CLSTN2: variants seen among roughly 807,000 people sequenced by gnomAD.
CLSTN2 encodes calsyntenin 2, also known as calsyntenin-2.
A neutral mutation model predicts 101.2 loss-of-function variants in CLSTN2; 48 were observed. The observed-to-expected ratio is 0.47, with a 90% CI of 0.38 to 0.60. CLSTN2 has a LOEUF of 0.60. Among genes scored for constraint, CLSTN2 ranks in the 20% least tolerant of loss-of-function variants. CLSTN2 has a pLI of 0.00. For missense variants in CLSTN2, 1,160 were observed against 1,238.2 expected (o/e 0.94, Z 0.95); for synonymous variants, 481 against 463.6 (o/e 1.04, Z -0.48).
chr3:140,082,212 C>A (rs2008609878), intron 1 of CLSTN2, among the ~76,000 whole-genome samples: 1 of 152,198 alleles, frequency 6.6e-6, no homozygotes, highest in Non-Finnish European at 1.5e-5. Context: ...CTTCACACTG[C>A]AGCCTTTCTC....
chr3:140,241,153 GA>G (rs1334531917), intron 2 of CLSTN2, among the ~76,000 whole-genome samples: 1 of 152,166 alleles, frequency 6.6e-6, no homozygotes, highest in Non-Finnish European at 1.5e-5. Flanking sequence ...AGAATACTAA[GA>G]GTGCCATCTC....
chr3:140,336,072 A>G (rs115211699), intron 2 of CLSTN2, among the ~76,000 whole-genome samples: 95 of 152,250 alleles, frequency 6.2e-4, no homozygotes, highest in African/African-American at 2.0e-3. Context: ...GAAGGAGCCG[A>G]TTACTGCTCT....
Position 140,528,629 on chromosome 3 carries a change from C to T in CLSTN2, c.1345-3695C>T, listed in dbSNP as rs144081389. Among the ~76,000 whole-genome samples the T allele has an allele frequency of 1.0e-3, 112 of 107,632 alleles. 2 individuals are homozygous for T. Among genetic ancestry groups the T allele is most frequent in the African/African-American group, 6.1e-3 (111 of 18,132 alleles). The allele number at this position is 107,632 out of a possible 152,430, so 70.6% of individuals were successfully genotyped here. On this transcript the variant is annotated intron_variant, in intron 8 of 16. Coordinates refer to ENST00000458420, the MANE Select transcript of CLSTN2 (RefSeq NM_022131.3). ...TCTTTATATGTCCCCAAACCTAGTG[C>T]CTCTGACAAAAAAAAGATGAATGAA...
At chr3:139,979,866 T>TC (rs1189684425) in intron 1 of CLSTN2, among the ~76,000 whole-genome samples, 14 of 151,926 alleles carry the variant, frequency 9.2e-5, no homozygotes, top group African/African-American at 3.4e-4. Flanking sequence ...CGACCCTTCT[T>TC]CCCCCTCGCC....
intron 2 of CLSTN2, among the ~76,000 whole-genome samples, chr3:140,235,079 C>T (rs1038065924): frequency 9.2e-5 from 14 of 152,104 alleles, no homozygotes; most frequent in Admixed American, 3.3e-4. Flanking sequence ...TCCTCAACTA[C>T]AAAATAGGAA....
At chr3:140,107,919 G>T (rs903552277) in intron 1 of CLSTN2, among the ~76,000 whole-genome samples, 17 of 152,010 alleles carry the variant, frequency 1.1e-4, no homozygotes, top group Non-Finnish European at 2.2e-4. Context: ...CTCAAAAAAA[G>T]TGAGAGACTT....
intron 8 of CLSTN2, among the ~76,000 whole-genome samples, chr3:140,519,479 T>C (rs915574105): frequency 6.6e-6 from 1 of 152,252 alleles, no homozygotes; most frequent in Admixed American, 6.5e-5. Context: ...AGTCTCTTTG[T>C]AGTCTCTAAG....
chr3:140,355,720 C>T (rs559539457), intron 2 of CLSTN2, among the ~76,000 whole-genome samples: 2 of 152,126 alleles, frequency 1.3e-5, no homozygotes, highest in African/African-American at 4.8e-5. Flanking sequence ...CTCGCATTCC[C>T]AGGAGCAATG....
intron 1 of CLSTN2, among the ~76,000 whole-genome samples, chr3:140,126,533 C>A (rs10460847): frequency 0.17 from 26,059 of 151,830 alleles, 2,584 homozygotes; most frequent in East Asian, 0.37. Flanking sequence ...AAGCTGAGAC[C>A]GAGGCTAGAG....
chr3:140,277,406 C>G (rs1371303984), intron 2 of CLSTN2, among the ~76,000 whole-genome samples: 3 of 152,182 alleles, frequency 2.0e-5, no homozygotes, highest in Non-Finnish European at 4.4e-5. Flanking sequence ...TATCCTCCAG[C>G]TATCTCCAGT....
intron 1 of CLSTN2, among the ~76,000 whole-genome samples, chr3:140,155,481 C>G (rs369110303): frequency 1.4e-4 from 21 of 152,224 alleles, no homozygotes; most frequent in African/African-American, 4.8e-4. Flanking sequence ...AAGTGGCAGT[C>G]AGAGGCGAGG....
At chr3:140,306,772 G>A (rs1000632511) in intron 2 of CLSTN2, among the ~76,000 whole-genome samples, 2 of 152,052 alleles carry the variant, frequency 1.3e-5, no homozygotes, top group Admixed American at 6.5e-5. Flanking sequence ...TGTCACTGAA[G>A]TGGTTTTCTA....
intron 2 of CLSTN2, among the ~76,000 whole-genome samples, chr3:140,368,547 T>A (rs1328499597): frequency 6.6e-6 from 1 of 152,208 alleles, no homozygotes; most frequent in Non-Finnish European, 1.5e-5. Flanking sequence ...GTGGTATCTA[T>A]GTCCCTGGTT....
intron 1 of CLSTN2, among the ~76,000 whole-genome samples, chr3:139,952,624 A>T (rs1456902075): frequency 2.0e-5 from 3 of 152,212 alleles, no homozygotes; most frequent in Non-Finnish European, 2.9e-5. Context: ...GCCAGACAAA[A>T]GTATTTCTAA....
intron 1 of CLSTN2, among the ~76,000 whole-genome samples, chr3:140,166,489 G>C (rs2010136817): frequency 6.6e-6 from 1 of 152,168 alleles, no homozygotes; most frequent in Non-Finnish European, 1.5e-5. Context: ...AAAGATCCAG[G>C]GTTGTCCAGA....
At chr3:140,398,184 A>G (rs908409075) in intron 2 of CLSTN2, among the ~76,000 whole-genome samples, 1 of 152,204 alleles carries the variant, frequency 6.6e-6, no homozygotes, top group Non-Finnish European at 1.5e-5. Flanking sequence ...TTCACAATTT[A>G]GATCACACAA....
At chr3:140,218,020 A>G (rs973440894) in intron 2 of CLSTN2, among the ~76,000 whole-genome samples, 3 of 152,232 alleles carry the variant, frequency 2.0e-5, no homozygotes, top group Admixed American at 6.5e-5. Context: ...GAGCAGCAGG[A>G]TGACCAGGCA....
At chr3:139,967,520 A>C (rs768327674) in intron 1 of CLSTN2, among the ~76,000 whole-genome samples, 4 of 152,172 alleles carry the variant, frequency 2.6e-5, no homozygotes, top group Non-Finnish European at 5.9e-5. Context: ...CTTCAGCAAC[A>C]AGCCAAGGGA....
At chr3:140,117,390 C>T (rs1280735113) in intron 1 of CLSTN2, among the ~76,000 whole-genome samples, 3 of 152,130 alleles carry the variant, frequency 2.0e-5, no homozygotes, top group African/African-American at 7.2e-5. Flanking sequence ...CACAGAACTT[C>T]CCGAAGCTTT....
Sources: gnomAD v4.1 joint callset for allele counts (sites outside exome capture counted in the v4.1 genomes callset) on GRCh38, gnomAD v4.1.1 for gene constraint, MANE v1.5 for transcripts, NCBI Gene and HGNC (gene_info 2026-07-23, HGNC 2026-07-21) for gene names.